NFYC: variants seen among roughly 807,000 people sequenced by gnomAD.
The protein encoded by NFYC is CAAT box DNA-binding protein subunit C.
A neutral mutation model predicts 53.1 loss-of-function variants in NFYC; 25 were observed. The observed-to-expected ratio is 0.47, with a 90% CI of 0.34 to 0.66. The LOEUF is 0.66. NFYC is among the 30% of genes least tolerant of loss of function. The pLI, the probability that NFYC is intolerant of heterozygous loss-of-function variation, is 0.01. For synonymous variants in NFYC, 145 were observed against 152.6 expected (o/e 0.95, Z 0.37); for missense variants, 260 against 422.7 (o/e 0.62, Z 3.38).
intron 1 of NFYC, among the ~76,000 whole-genome samples, chr1:40,700,543 GC>G (rs1643383826): frequency 6.6e-6 from 1 of 151,930 alleles, no homozygotes; most frequent in Admixed American, 6.6e-5. Context: ...AGGAGGTCTT[GC>G]TATGTTGTCC....
In NFYC at chr1:40,770,748, C is replaced by T. The variant is rs964144633; in HGVS notation, c.928C>T (p.Gln310Ter). 9 of 1,613,848 alleles carry T rather than the reference C, an allele frequency of 5.6e-6. No individual in the cohort carries two copies. The highest frequency in any genetic ancestry group is 7.6e-6 in the Non-Finnish European group (9 of 1,180,048). The stretch of plus-strand genomic sequence containing the variant: ...CCAGCAAGTCACCATGCCTGCGGGC[C>T]AGGACCTCGCCCAGCCCATGTTCAT... ...QIQQVTMPAG[Q>*]DLAQPMFIQS... Residue 310 changes from glutamine (Q) to a stop codon, truncating the protein, a stop_gained, in exon 10 of 10, where the codon CAG becomes TAG. Coordinates refer to ENST00000447388, the MANE Select transcript of NFYC (RefSeq NM_014223.5). LOFTEE classifies it high-confidence loss of function. This position sits in a 1 kb window ranked among gnomAD's most constrained non-coding sequence, Gnocchi z 5.3.
chr1:40,756,187 G>A (rs1336258320), intron 5 of NFYC, among the ~76,000 whole-genome samples: 1 of 152,166 alleles, frequency 6.6e-6, no homozygotes. Flanking sequence ...AGAGCAGTTG[G>A]CTTCTGTTTC....
intron 1 of NFYC, among the ~76,000 whole-genome samples, chr1:40,694,756 G>T (rs1204858734): frequency 1.3e-5 from 2 of 151,968 alleles, no homozygotes; most frequent in Admixed American, 6.6e-5. Flanking sequence ...TTAAGATCTG[G>T]AATTGACCAC....
At chr1:40,753,094 C>A in intron 4 of NFYC, 57 bp from the exon 5 acceptor site, 1 of 1,304,468 alleles carries the variant, frequency 7.7e-7, no homozygotes, top group Non-Finnish European at 1.1e-6. Flanking sequence ...GGGTATAAAG[C>A]CAAGTGAACT....
In NFYC at chr1:40,726,533, C is replaced by T. The variant is rs572902227; in HGVS notation, c.-8-12303C>T. ...CAAGCCATCCTCCTACTTCAGCCTC[C>T]CAAGTAGCTGGGACTACAGACACGT... On this transcript the variant is annotated intron_variant, in intron 1 of 9. Coordinates refer to ENST00000447388, the MANE Select transcript of NFYC (RefSeq NM_014223.5). 5.9e-5 allele frequency among the ~76,000 whole-genome samples: 9 copies of T among 152,266 alleles called. No individual in the cohort carries two copies. The South Asian group carries it at 8.3e-4, about 14-fold the overall frequency.
intron 2 of NFYC, among the ~76,000 whole-genome samples, chr1:40,740,542 T>G (rs1298249060): frequency 2.0e-5 from 3 of 152,246 alleles, no homozygotes; most frequent in Non-Finnish European, 4.4e-5. Flanking sequence ...TGGCTTAGCC[T>G]TTCTCAGACT....
intron 1 of NFYC, among the ~76,000 whole-genome samples, chr1:40,701,882 C>T (rs893474249): frequency 6.6e-5 from 10 of 152,078 alleles, no homozygotes; most frequent in Non-Finnish European, 1.2e-4. Flanking sequence ...ATAACTAGCA[C>T]GAGGTCACTC....
chr1:40,703,855 C>T (rs1187210168), intron 1 of NFYC, among the ~76,000 whole-genome samples: 1 of 152,146 alleles, frequency 6.6e-6, no homozygotes, highest in Non-Finnish European at 1.5e-5. Context: ...TTATTTAAGC[C>T]TCAACACTCC....
chr1:40,746,170 T>C (rs1557859566), intron 2 of NFYC, among the ~76,000 whole-genome samples: 1 of 152,226 alleles, frequency 6.6e-6, no homozygotes, highest in South Asian at 2.1e-4. Context: ...TCTAAGTCTC[T>C]GTTACTCCAG....
Position 40,770,957 on chromosome 1 carries a change from G to A in NFYC, c.*129G>A, listed in dbSNP as rs968007058. On this transcript the variant is annotated 3_prime_UTR_variant, in exon 10 of 10. Transcript: ENST00000447388. The surrounding 1 kb of genome is among the most constrained non-coding windows in gnomAD (Gnocchi z 5.3). ...GCCTCCTGCAGGCTAGGACACTGGT[G>A]CACTACACCCCATGCCTGGGGGCCG... 2.2e-6 allele frequency: 2 copies of A among 892,702 alleles called. No homozygotes were observed. The highest frequency in any genetic ancestry group is 3.5e-6 in the Non-Finnish European group (2 of 577,626). 55.3% of individuals were successfully genotyped at this position (892,702 alleles called of 1,614,324 possible). A position where few individuals can be genotyped will look rare whatever the true frequency, so the allele number is the denominator to read the frequency against.
rs143373390 is a variant in NFYC at position 40,720,291 on chromosome 1, T to C, written c.-8-18545T>C. 5.6e-4 allele frequency among the ~76,000 whole-genome samples: 86 copies of C among 152,244 alleles called. 2 individuals carry two copies. The East Asian group carries it at 0.01, about 18-fold the overall frequency. On this transcript the variant is annotated intron_variant, in intron 1 of 9. Transcript: ENST00000447388. The stretch of plus-strand genomic sequence containing the variant: ...GACATTATTATAACGCCCTCTAGGT[T>C]TTTAATTGACAATTTTCTGCCTTCC...
At chr1:40,746,683 T>C (rs1334990262) in intron 2 of NFYC, among the ~76,000 whole-genome samples, 1 of 152,168 alleles carries the variant, frequency 6.6e-6, no homozygotes. Context: ...TCAAAATTGA[T>C]TTTTTTCCTA....
At chr1:40,755,655 A>G (rs1646172117) in intron 5 of NFYC, among the ~76,000 whole-genome samples, 1 of 152,204 alleles carries the variant, frequency 6.6e-6, no homozygotes, top group Non-Finnish European at 1.5e-5. Context: ...ATGAGTCTTC[A>G]TAATGCAGAA....
At chr1:40,702,805 A>G (rs748723733) in intron 1 of NFYC, among the ~76,000 whole-genome samples, 2 of 151,690 alleles carry the variant, frequency 1.3e-5, no homozygotes, top group African/African-American at 2.4e-5. Context: ...GCAGTCCTCA[A>G]TTTTCTTTGA....
At chr1:40,696,860 TCATG>T (rs1322987004) in intron 1 of NFYC, among the ~76,000 whole-genome samples, 2 of 152,246 alleles carry the variant, frequency 1.3e-5, no homozygotes, top group Non-Finnish European at 2.9e-5. Context: ...ATTCAGTTTT[TCATG>T]CATGCACTGT....
In NFYC at chr1:40,730,195, C is replaced by CTT. The variant is rs34045698; in HGVS notation, c.-8-8620_-8-8619dup. On this transcript the variant is annotated intron_variant, in intron 1 of 9. Coordinates refer to ENST00000447388, the MANE Select transcript of NFYC (RefSeq NM_014223.5). The stretch of plus-strand genomic sequence containing the variant: ...GGACTGGCTAATTTTTCTTTCTTTT[C>CTT]TTTTTTTTTTTTTTTTTTTTTTGGT... 8.4e-3 allele frequency among the ~76,000 whole-genome samples: 854 copies of CTT among 101,946 alleles called. 14 individuals are homozygous for CTT. The highest frequency in any genetic ancestry group is 0.012 in the Non-Finnish European group (639 of 52,064). The allele number at this position is 101,946 out of a possible 152,430, so 66.9% of individuals were successfully genotyped here.
chr1:40,753,281 G>A, intron 5 of NFYC, 35 bp downstream of exon 5: 1 of 1,471,946 alleles, frequency 6.8e-7, no homozygotes, highest in Non-Finnish European at 9.5e-7. Flanking sequence ...GCTGCTGACT[G>A]AAGAGCGCTT....
At chr1:40,713,527 C>A (rs1644013694) in intron 1 of NFYC, among the ~76,000 whole-genome samples, 1 of 152,184 alleles carries the variant, frequency 6.6e-6, no homozygotes, top group Admixed American at 6.5e-5. Context: ...ACATGGCTGT[C>A]TTCATGAATG....
At chr1:40,735,600 G>A (rs539291411) in intron 1 of NFYC, 1 of 985,302 alleles carries the variant, frequency 1.0e-6, no homozygotes, top group East Asian at 1.1e-4. Flanking sequence ...AAATCGTACA[G>A]GTCTTTGTAC....
Sources: gnomAD v4.1 joint callset for allele counts (sites outside exome capture counted in the v4.1 genomes callset) on GRCh38, gnomAD v4.1.1 for gene constraint, Gnocchi (gnomAD v3.1) non-coding constraint, MANE v1.5 for transcripts, NCBI Gene and HGNC (gene_info 2026-07-23, HGNC 2026-07-21) for gene names.